Variants in NCOR1 observed in about 807,000 individuals in gnomAD.
NCOR1 encodes the protein nuclear receptor corepressor 1.
Under a neutral mutation model 288.1 loss-of-function variants are expected in NCOR1, and 63 were observed. The observed-to-expected ratio is 0.22, with a 90% CI of 0.18 to 0.27. The LOEUF (loss-of-function observed/expected upper bound fraction) is 0.27, where lower values mean the gene tolerates loss of function less well. Among genes scored for constraint, NCOR1 ranks in the 10% least tolerant of loss-of-function variants. The probability of loss-of-function intolerance (pLI) is 1.00; values close to 1 mark genes in which losing one functional copy is unlikely to be tolerated. For synonymous variants in NCOR1, 1,007 were observed against 1,065.9 expected (o/e 0.94, Z 1.08); for missense variants, 2,397 against 3,019.2 (o/e 0.79, Z 4.83).
chr17:16,064,811 G>A, intron 34 of NCOR1, 59 bp downstream of exon 34: 1 of 1,453,110 alleles, frequency 6.9e-7, no homozygotes, highest in Non-Finnish European at 9.2e-7. Context: ...AAAAGGCTAT[G>A]TTGTAAAAAT....
At position 16,186,476 on chromosome 17, in the gene NCOR1, T is replaced by TA. The variant is rs2086704526; in HGVS notation, c.242+77dup. On this transcript the variant is annotated intron_variant, in intron 3 of 45. Transcript: ENST00000268712. ...CAGTCATGGCTTGGTTAATAAAAAG[T>TA]AAAAAAATAAAATAATGACAAACTT... 2.7e-6 allele frequency: 4 copies of TA among 1,458,554 alleles called. No homozygotes were observed. In the African/African-American group the frequency reaches 4.3e-5, roughly 16 times the overall value. 90.4% of individuals were successfully genotyped at this position (1,458,554 alleles called of 1,614,324 possible).
chr17:16,113,901 A>T (rs547056772), intron 18 of NCOR1, among the ~76,000 whole-genome samples: 1 of 152,260 alleles, frequency 6.6e-6, no homozygotes, highest in South Asian at 2.1e-4. Context: ...TCAAAAAAAA[A>T]GAAAAAAGAA....
chr17:16,172,053 G>C (rs2083232910), intron 3 of NCOR1, 58 bp from the exon 4 acceptor site: 5 of 1,324,984 alleles, frequency 3.8e-6, no homozygotes, highest in Non-Finnish European at 4.1e-6. Flanking sequence ...ACAACTCCCT[G>C]GTAACATCCC....
intron 42 of NCOR1, among the ~76,000 whole-genome samples, chr17:16,046,303 C>T (rs2058642217): frequency 6.6e-6 from 1 of 152,218 alleles, no homozygotes; most frequent in Non-Finnish European, 1.5e-5. Context: ...AAGACCTTGA[C>T]ATCAACGTTC....
At chr17:16,153,490 T>C (rs965600298) in intron 6 of NCOR1, 95 bp from the exon 7 acceptor site, 7 of 733,010 alleles carry the variant, frequency 9.5e-6, no homozygotes, top group African/African-American at 1.8e-5. Context: ...GACTAATCTA[T>C]AGATGAACTT....
intron 1 of NCOR1, among the ~76,000 whole-genome samples, chr17:16,199,815 T>C (rs2090515272): frequency 6.6e-6 from 1 of 152,196 alleles, no homozygotes; most frequent in Non-Finnish European, 1.5e-5. Flanking sequence ...ATCTCTTAAA[T>C]ATCAACATAT....
chr17:16,064,485 C>G (rs2060900005), intron 34 of NCOR1, among the ~76,000 whole-genome samples: 1 of 151,896 alleles, frequency 6.6e-6, no homozygotes, highest in South Asian at 2.1e-4. Context: ...CACCTGTAAT[C>G]CCAGCTACTC....
rs76762707 is a variant in NCOR1, at chr17:16,036,630, C to T, written c.6956-1686G>A. 3.3e-3 allele frequency among the ~76,000 whole-genome samples: 500 copies of T among 152,320 alleles called. 2 individuals are homozygous for T. Among genetic ancestry groups the T allele is most frequent in the African/African-American group, 0.012 (491 of 41,562 alleles). On this transcript the variant is annotated intron_variant, in intron 44 of 45. Coordinates refer to ENST00000268712, the MANE Select transcript of NCOR1 (RefSeq NM_006311.4). ...TCAGCACTTTCTCCCTCACCTTGCA[C>T]TTTTATGTTACAGAGACGGCTTCTT...
At chr17:16,098,260 TG>T in intron 21 of NCOR1, 106 bp downstream of exon 21, 1 of 1,095,442 alleles carries the variant, frequency 9.1e-7, no homozygotes, top group Non-Finnish European at 1.3e-6. Flanking sequence ...TGTTATGTTT[TG>T]TACCACTATT....
intron 6 of NCOR1, among the ~76,000 whole-genome samples, chr17:16,158,549 T>C (rs1049531797): frequency 3.3e-5 from 5 of 152,150 alleles, no homozygotes; most frequent in Admixed American, 3.3e-4. Context: ...AATGAAATAT[T>C]ACATAATTTA....
chr17:16,075,498 G>A, intron 27 of NCOR1, 36 bp downstream of exon 27: 1 of 1,601,372 alleles, frequency 6.2e-7, no homozygotes, highest in South Asian at 1.1e-5. Context: ...AGCACATATT[G>A]TAATACTGGC....
At chr17:16,044,651 T>C in intron 42 of NCOR1, 2 of 648,180 alleles carry the variant, frequency 3.1e-6, no homozygotes, top group Admixed American at 1.8e-5. Flanking sequence ...CGCCTGCATC[T>C]ACTCAGCCCT....
chr17:16,160,727 G>A (rs1260212898), intron 5 of NCOR1, among the ~76,000 whole-genome samples: 1 of 152,166 alleles, frequency 6.6e-6, no homozygotes, highest in Non-Finnish European at 1.5e-5. Flanking sequence ...AGGAGGTGGA[G>A]GTTGCAGTGA....
intron 37 of NCOR1, among the ~76,000 whole-genome samples, chr17:16,059,049 CAAAAAAAAAAAAAA>C (rs57820388): frequency 6.3e-4 from 11 of 17,458 alleles, no homozygotes; most frequent in South Asian, 2.6e-3. Flanking sequence ...AACTCCGTCT[CAAAAAAAAAAAAAA>C]AAAAAAAAAA....
At position 16,051,914 on chromosome 17, in the gene NCOR1, A is replaced by AAAAT. The variant is rs538799300; in HGVS notation, c.6393-2930_6393-2927dup. On this transcript the variant is annotated intron_variant, in intron 40 of 45. Transcript: ENST00000268712. ...CAACAAGAGCGAAACTCCTTCTCAA[A>AAAAT]AAATAAATAAATAAATAAAATAAAC... Among the ~76,000 whole-genome samples, 963 of 152,248 alleles carry AAAAT rather than the reference A, an allele frequency of 6.3e-3. 18 individuals are homozygous for AAAAT. Among genetic ancestry groups the AAAAT allele is most frequent in the African/African-American group, 0.021 (891 of 41,540 alleles).
Position 16,041,775 on chromosome 17 carries a change from C to T in NCOR1, c.6680-1281G>A, listed in dbSNP as rs561405491. ...TTTTTAAGACGGAGTCTCACTCTGC[C>T]GCCCAGGCTGGAGTGCAGCGGTGCG... is the stretch of plus-strand genomic sequence containing the variant. On this transcript the variant is annotated intron_variant, in intron 42 of 45. Coordinates refer to ENST00000268712, the MANE Select transcript of NCOR1 (RefSeq NM_006311.4). Among the ~76,000 whole-genome samples the T allele has an allele frequency of 1.6e-4, 24 of 151,670 alleles. No individual in the cohort carries two copies. In the East Asian group the frequency reaches 3.7e-3, roughly 23 times the overall value.
chr17:16,076,649 C>T (rs920571603), intron 26 of NCOR1, among the ~76,000 whole-genome samples: 3 of 152,156 alleles, frequency 2.0e-5, no homozygotes, highest in African/African-American at 7.2e-5. Flanking sequence ...TTCTCTTATT[C>T]TAGGCAACAA....
chr17:16,155,980 G>T (rs1380453702), intron 6 of NCOR1, among the ~76,000 whole-genome samples: 1 of 152,072 alleles, frequency 6.6e-6, no homozygotes, highest in Non-Finnish European at 1.5e-5. Flanking sequence ...ACAGGTACAT[G>T]TATAAAACAT....
intron 14 of NCOR1, among the ~76,000 whole-genome samples, chr17:16,126,943 A>G (rs1013798211): frequency 1.3e-5 from 2 of 152,148 alleles, no homozygotes; most frequent in Non-Finnish European, 2.9e-5. Flanking sequence ...CAACTGCAGT[A>G]TGAAAATGGG....
Sources: allele counts gnomAD v4.1 joint callset (sites outside exome capture counted in the v4.1 genomes callset), GRCh38; gene constraint gnomAD v4.1.1; transcripts MANE v1.5; gene names NCBI Gene and HGNC (gene_info 2026-07-23, HGNC 2026-07-21).